Variants in PCDHA2 observed in about 807,000 individuals in gnomAD.
PCDHA2 encodes protocadherin alpha 2, also known as protocadherin alpha-2.
A neutral mutation model predicts 66.0 loss-of-function variants in PCDHA2; 58 were observed. The observed-to-expected ratio is 0.88, with a 90% CI of 0.71 to 1.09. PCDHA2 has a LOEUF of 1.09. Ranked by LOEUF, PCDHA2 falls within the 50% of genes least tolerant of loss-of-function variation. The pLI is 0.00. For synonymous variants in PCDHA2, 634 were observed against 554.0 expected, an observed-to-expected ratio of 1.14 and a Z score of -2.03; for missense variants, 1,267 against 1,242.3, an observed-to-expected ratio of 1.02 and a Z score of -0.30.
chr5:140,829,977 G>T (rs2150178993), intron 1 of PCDHA2: 1 of 1,613,860 alleles, frequency 6.2e-7, no homozygotes, highest in Non-Finnish European at 8.5e-7. Context: ...CTGTACACGG[G>T]CGAGATCAGC....
At chr5:140,985,154 G>T (rs2097139142) in intron 3 of PCDHA2, among the ~76,000 whole-genome samples, 1 of 152,086 alleles carries the variant, frequency 6.6e-6, no homozygotes, top group South Asian at 2.1e-4. Flanking sequence ...AGCCAGGATT[G>T]TCTCAATCTC....
chr5:141,005,664 T>G (rs1554260244), intron 3 of PCDHA2, among the ~76,000 whole-genome samples: 1 of 122,102 alleles, frequency 8.2e-6, no homozygotes. Flanking sequence ...ATCGCGCCAC[T>G]GCACTCCAGC....
At chr5:140,897,566 A>C (rs1461105293) in intron 1 of PCDHA2, among the ~76,000 whole-genome samples, 1 of 151,760 alleles carries the variant, frequency 6.6e-6, no homozygotes, top group Non-Finnish European at 1.5e-5. Flanking sequence ...TATGTGCCAC[A>C]TTTTCTTAAT....
rs1263646925 is a variant in PCDHA2 at position 140,846,355 on chromosome 5, C to T, written c.2388+49003C>T. Among the ~76,000 whole-genome samples, 7 of 133,762 alleles carry T rather than the reference C, an allele frequency of 5.2e-5. 1 individual carries two copies. The highest frequency in any genetic ancestry group is 8.2e-5 in the Non-Finnish European group (5 of 61,048). The allele number at this position is 133,762 out of a possible 152,430, so 87.8% of individuals were successfully genotyped here. A position where few individuals can be genotyped will look rare whatever the true frequency, so the allele number is the denominator to read the frequency against. The stretch of plus-strand genomic sequence containing the variant: ...CCTTTTAAAGTGCTTTCTCTTTTTT[C>T]TTTTCTTTTCTTTCTTTCTTTTTTT... On this transcript the variant is annotated intron_variant, in intron 1 of 3. Transcript: ENST00000526136.
At chr5:140,888,265 A>G (rs2061758269) in intron 1 of PCDHA2, among the ~76,000 whole-genome samples, 1 of 152,096 alleles carries the variant, frequency 6.6e-6, no homozygotes, top group Non-Finnish European at 1.5e-5. Flanking sequence ...TCTTGATAAG[A>G]AACAGTTTTG....
chr5:140,915,093 G>A (rs1397392191), intron 1 of PCDHA2, among the ~76,000 whole-genome samples: 3 of 151,622 alleles, frequency 2.0e-5, no homozygotes, highest in Non-Finnish European at 2.9e-5. Flanking sequence ...CTATGGGCAC[G>A]CACCACCACA....
chr5:140,873,995 G>A (rs1218409385), intron 1 of PCDHA2, among the ~76,000 whole-genome samples: 9 of 152,284 alleles, frequency 5.9e-5, no homozygotes, highest in African/African-American at 2.2e-4. Context: ...AGCATGTATG[G>A]TACATTGACC....
intron 1 of PCDHA2, chr5:140,870,671 A>C (rs782353440): frequency 1.2e-6 from 2 of 1,612,606 alleles, no homozygotes; most frequent in East Asian, 2.2e-5. Flanking sequence ...CAGCCGTTGG[A>C]CCACGAGGAG....
In PCDHA2 at chr5:140,855,001, ATAT is replaced by A. The variant is rs1304130287; in HGVS notation, c.2388+57653_2388+57655del. On this transcript the variant is annotated intron_variant, in intron 1 of 3. Transcript: ENST00000526136. Reference sequence around the variant, plus strand: ...TTAAGATTCTTTTTGCCCGTGTAAGATATTATAAAATGAAACTTCTTGTATAAA... The same window carrying A: ...TTAAGATTCTTTTTGCCCGTGTAAGATATAAAATGAAACTTCTTGTATAAA... Among the ~76,000 whole-genome samples the A allele has an allele frequency of 2.0e-5, 3 of 149,948 alleles. 1 individual carries two copies. The highest frequency in any genetic ancestry group is 4.5e-5 in the Non-Finnish European group (3 of 67,104).
chr5:140,991,503 T>C (rs975448423), intron 3 of PCDHA2, among the ~76,000 whole-genome samples: 6 of 152,246 alleles, frequency 3.9e-5, no homozygotes, highest in Non-Finnish European at 7.3e-5. Context: ...TGAGTTTCAC[T>C]GGCTAAAATC....
intron 1 of PCDHA2, among the ~76,000 whole-genome samples, chr5:140,958,548 A>C (rs185504563): frequency 6.6e-6 from 1 of 152,180 alleles, no homozygotes; most frequent in African/African-American, 2.4e-5. Context: ...TTATGAACCA[A>C]TAAATGTTTC....
intron 1 of PCDHA2, among the ~76,000 whole-genome samples, chr5:140,846,989 C>G (rs1449097023): frequency 6.7e-6 from 1 of 149,310 alleles, no homozygotes; most frequent in Non-Finnish European, 1.5e-5. Context: ...AAGTTCCCCC[C>G]GGGAGAATAT....
chr5:140,808,405 G>A (rs371283858), intron 1 of PCDHA2: 35 of 1,614,162 alleles, frequency 2.2e-5, no homozygotes, highest in Non-Finnish European at 2.9e-5. Context: ...ATTACTACTC[G>A]TTGGTGCTGG....
chr5:140,899,619 A>G (rs2067442008), intron 1 of PCDHA2, among the ~76,000 whole-genome samples: 2 of 152,136 alleles, frequency 1.3e-5, no homozygotes, highest in Admixed American at 1.3e-4. Context: ...AATGTTCATC[A>G]AGGATATTGG....
chr5:140,842,984 G>T (rs2150349206), intron 1 of PCDHA2: 2 of 1,595,034 alleles, frequency 1.3e-6, no homozygotes, highest in Non-Finnish European at 8.6e-7. Flanking sequence ...GCAGGTGTTC[G>T]TGCTGGACGA....
intron 1 of PCDHA2, chr5:140,869,974 T>G: frequency 6.2e-7 from 1 of 1,613,252 alleles, no homozygotes; most frequent in Non-Finnish European, 8.5e-7. Context: ...TGGAAGACAC[T>G]TATTTACACT....
At position 141,010,124 on chromosome 5, in the gene PCDHA2, G is replaced by C. The variant is rs1161168842; in HGVS notation, c.*187G>C. 1.2e-6 allele frequency: 2 copies of C among 1,605,172 alleles called. No homozygotes were observed. The highest frequency in any genetic ancestry group is 1.1e-5 in the South Asian group (1 of 90,170). On this transcript the variant is annotated 3_prime_UTR_variant, in exon 4 of 4. Coordinates refer to ENST00000526136, the MANE Select transcript of PCDHA2 (RefSeq NM_018905.3). ...GGTTTTGTCGTAAAAGCTTTACTAA[G>C]TCTGGTGTTAACTCTTTCTCTCCAC...
intron 1 of PCDHA2, chr5:140,863,388 C>T: frequency 1.0e-6 from 1 of 1,000,142 alleles, no homozygotes; most frequent in Non-Finnish European, 1.5e-6. Context: ...AGAGCTCGTG[C>T]ATGCCGGGCA....
chr5:140,886,251 T>A (rs189086759), intron 1 of PCDHA2, among the ~76,000 whole-genome samples: 397 of 152,156 alleles, frequency 2.6e-3, no homozygotes, highest in Non-Finnish European at 4.1e-3. Flanking sequence ...AATAAAAGTA[T>A]CTCTATTTAT....
Sources: allele counts gnomAD v4.1 joint callset (sites outside exome capture counted in the v4.1 genomes callset), GRCh38; gene constraint gnomAD v4.1.1; transcripts MANE v1.5; gene names NCBI Gene and HGNC (gene_info 2026-07-23, HGNC 2026-07-21).